PTPRD: variants seen among roughly 807,000 people sequenced by gnomAD.
PTPRD encodes the protein protein tyrosine phosphatase receptor type D.
A neutral mutation model predicts 214.5 loss-of-function variants in PTPRD; 34 were observed. The ratio of observed to expected loss-of-function variants is 0.16; its 90% CI spans 0.12 to 0.21. PTPRD has a LOEUF of 0.21. Ranked by LOEUF, PTPRD falls within the 10% of genes least tolerant of loss-of-function variation. The pLI is 1.00. For synonymous variants in PTPRD, 1,128 were observed against 845.7 expected, an observed-to-expected ratio of 1.33 and a Z score of -5.79; for missense variants, 2,545 against 2,398.7, an observed-to-expected ratio of 1.06 and a Z score of -1.27.
chr9:8,713,524 C>A lies in PTPRD; in HGVS notation c.64+20256G>T. ...CTGTGGTCAGGTGTTTGAGAAGTCC[C>A]CGCTGCGGGTGAAGAACTTCGGGAT... On this transcript the variant is annotated intron_variant, in intron 12 of 45. Transcript: ENST00000381196. 3 of 1,231,754 alleles carry A rather than the reference C, an allele frequency of 2.4e-6. No individual in the cohort carries two copies. In the South Asian group the frequency reaches 3.6e-5, roughly 15 times the overall value. 76.3% of individuals were successfully genotyped at this position (1,231,754 alleles called of 1,614,324 possible). A position where few individuals can be genotyped will look rare whatever the true frequency, so the allele number is the denominator to read the frequency against.
chr9:9,220,314 T>TTTTTTTA (rs1264367006), intron 9 of PTPRD, among the ~76,000 whole-genome samples: 3 of 119,662 alleles, frequency 2.5e-5, no homozygotes, highest in Admixed American at 8.2e-5. Context: ...CTTTTGCTTT[T>TTTTTTTA]TTTTTAAAAG....
At chr9:10,125,426 A>T (rs1201457217) in intron 3 of PTPRD, among the ~76,000 whole-genome samples, 692 of 50,940 alleles carry the variant, frequency 0.014, 7 homozygotes, top group African/African-American at 0.079. Flanking sequence ...GTTTTATTTT[A>T]TTATTATTAT....
chr9:10,339,977 T>A (rs1388929464), intron 3 of PTPRD, among the ~76,000 whole-genome samples: 2 of 151,868 alleles, frequency 1.3e-5, no homozygotes, highest in African/African-American at 4.8e-5. Context: ...ATATGCCATA[T>A]TGACAATATA....
intron 5 of PTPRD, among the ~76,000 whole-genome samples, chr9:9,879,021 T>C (rs1274608760): frequency 6.6e-6 from 1 of 152,188 alleles, no homozygotes. Flanking sequence ...AAATAGATTA[T>C]TTTATCAACC....
intron 11 of PTPRD, among the ~76,000 whole-genome samples, chr9:8,994,300 A>G (rs557016043): frequency 1.3e-5 from 2 of 152,238 alleles, no homozygotes; most frequent in African/African-American, 2.4e-5. Flanking sequence ...AGCTTCTCAT[A>G]CTATGATGTG....
chr9:8,432,309 T>C (rs2095107655), intron 35 of PTPRD, among the ~76,000 whole-genome samples: 1 of 152,180 alleles, frequency 6.6e-6, no homozygotes. Context: ...CCTGCAGAGA[T>C]GGGGTTACAC....
At chr9:10,092,639 T>C (rs1189874352) in intron 3 of PTPRD, among the ~76,000 whole-genome samples, 2 of 151,426 alleles carry the variant, frequency 1.3e-5, no homozygotes, top group African/African-American at 4.8e-5. Context: ...AGAGCCCAAA[T>C]AGCCAAGTCA....
At chr9:8,765,289 G>C (rs142507912) in intron 11 of PTPRD, among the ~76,000 whole-genome samples, 1,859 of 152,234 alleles carry the variant, frequency 0.012, 34 homozygotes, top group African/African-American at 0.043. Flanking sequence ...TTATGCCAGA[G>C]GTAATGCAAT....
intron 2 of PTPRD, among the ~76,000 whole-genome samples, chr9:10,594,166 C>T (rs2076128849): frequency 6.6e-6 from 1 of 151,958 alleles, no homozygotes; most frequent in Non-Finnish European, 1.5e-5. Context: ...AAGCAGATTA[C>T]ATAATCTACT....
At chr9:9,109,023 C>T (rs987994288) in intron 10 of PTPRD, among the ~76,000 whole-genome samples, 1 of 152,128 alleles carries the variant, frequency 6.6e-6, no homozygotes, top group Admixed American at 6.6e-5. Context: ...AGTAGTCAGC[C>T]TGTTCCTCTC....
At position 9,372,340 on chromosome 9, in the gene PTPRD, T is replaced by C. The variant is rs571513216; in HGVS notation, c.-203+25109A>G. On this transcript the variant is annotated intron_variant, in intron 9 of 45. Coordinates refer to ENST00000381196, the MANE Select transcript of PTPRD (RefSeq NM_002839.4). ...TATTTAGGGTAGTTAGCTCTTCTTG[T>C]TGAATTGATCCCTTTACAATTATGT... Among the ~76,000 whole-genome samples, 5 of 152,342 alleles carry C rather than the reference T, an allele frequency of 3.3e-5. No homozygotes were observed. In the South Asian group the frequency reaches 1.0e-3, roughly 32 times the overall value.
chr9:8,439,935 A>ATTTTTTTTTTT lies in PTPRD; in HGVS notation c.3989-3257_3989-3247dup, dbSNP rs1166530719. On this transcript the variant is annotated intron_variant, in intron 34 of 45. Coordinates refer to ENST00000381196, the MANE Select transcript of PTPRD (RefSeq NM_002839.4). ...CATTTAAATTACTTGATGTGCTTTA[A>ATTTTTTTTTTT]TTTTTTTTTTTTTTTTTTTTTTTTT... Among the ~76,000 whole-genome samples, 219 of 73,300 alleles carry ATTTTTTTTTTT rather than the reference A, an allele frequency of 3.0e-3. 16 individuals carry two copies. Among genetic ancestry groups the ATTTTTTTTTTT allele is most frequent in the Non-Finnish European group, 4.2e-3 (169 of 40,500 alleles). 48.1% of individuals were successfully genotyped at this position (73,300 alleles called of 152,430 possible). A position where few individuals can be genotyped will look rare whatever the true frequency, so the allele number is the denominator to read the frequency against.
intron 8 of PTPRD, among the ~76,000 whole-genome samples, chr9:9,538,469 T>C (rs951518178): frequency 2.6e-5 from 4 of 151,946 alleles, no homozygotes; most frequent in Non-Finnish European, 5.9e-5. Context: ...TTTTAGTGGA[T>C]TGGCTCTACA....
intron 5 of PTPRD, among the ~76,000 whole-genome samples, chr9:9,789,679 C>T (rs2154494761): frequency 6.6e-6 from 1 of 151,440 alleles, no homozygotes; most frequent in African/African-American, 2.4e-5. Flanking sequence ...CGCCTGTAGT[C>T]CCAGCTACAC....
chr9:10,104,954 G>A (rs548734447), intron 3 of PTPRD, among the ~76,000 whole-genome samples: 29 of 151,848 alleles, frequency 1.9e-4, no homozygotes, highest in African/African-American at 6.7e-4. Flanking sequence ...CAATGTCTTT[G>A]CACATGCTAG....
intron 3 of PTPRD, among the ~76,000 whole-genome samples, chr9:10,103,741 C>G (rs1317410839): frequency 6.6e-6 from 1 of 151,470 alleles, no homozygotes; most frequent in East Asian, 2.0e-4. Context: ...CTTATCCTTA[C>G]AGGCAGCAGA....
At chr9:9,416,856 C>T (rs1229753119) in intron 8 of PTPRD, among the ~76,000 whole-genome samples, 3 of 152,136 alleles carry the variant, frequency 2.0e-5, no homozygotes, top group Admixed American at 1.3e-4. Flanking sequence ...TTCTCATTTC[C>T]TGTAAGACCT....
At chr9:8,679,190 T>C (rs944652889) in intron 12 of PTPRD, among the ~76,000 whole-genome samples, 2 of 152,216 alleles carry the variant, frequency 1.3e-5, no homozygotes, top group African/African-American at 2.4e-5. Flanking sequence ...TCTGGAATCC[T>C]AAAATGATGC....
At chr9:9,852,578 G>A (rs1682041101) in intron 5 of PTPRD, among the ~76,000 whole-genome samples, 1 of 151,880 alleles carries the variant, frequency 6.6e-6, no homozygotes, top group Non-Finnish European at 1.5e-5. Flanking sequence ...ATAAAAACTA[G>A]ATATAATTAT....
Sources: gnomAD v4.1 joint callset for allele counts (sites outside exome capture counted in the v4.1 genomes callset) on GRCh38, gnomAD v4.1.1 for gene constraint, MANE v1.5 for transcripts, NCBI Gene and HGNC (gene_info 2026-07-23, HGNC 2026-07-21) for gene names.